The following RBFOX1 variants were observed in gnomAD, a reference collection of about 807,000 sequenced individuals.
RBFOX1 encodes the protein RNA binding protein fox-1 homolog 1.
RBFOX1 carries 8 observed loss-of-function variants against 57.7 expected under a neutral mutation model. That is an observed-to-expected ratio of 0.14 (90% CI 0.08 to 0.25). The LOEUF is 0.25. RBFOX1 is among the 10% of genes least tolerant of loss of function. The probability of loss-of-function intolerance (pLI) is 1.00; values close to 1 mark genes in which losing one functional copy is unlikely to be tolerated. For synonymous variants in RBFOX1, 326 were observed against 222.4 expected (o/e 1.47, Z -4.15); for missense variants, 611 against 548.5 (o/e 1.11, Z -1.14).
chr16:7,707,342 T>A (rs975697107), intron 14 of RBFOX1, among the ~76,000 whole-genome samples: 1 of 152,106 alleles, frequency 6.6e-6, no homozygotes, highest in Non-Finnish European at 1.5e-5. Context: ...AAACATGTAT[T>A]GGATTGGTAT....
chr16:5,560,939 C>T (rs1009515943), intron 2 of RBFOX1, among the ~76,000 whole-genome samples: 10 of 152,286 alleles, frequency 6.6e-5, no homozygotes, highest in South Asian at 4.1e-4. Context: ...TAGCAGGTAA[C>T]AGGAGATTTC....
At chr16:5,620,702 A>G (rs924394788) in intron 3 of RBFOX1, among the ~76,000 whole-genome samples, 2 of 152,110 alleles carry the variant, frequency 1.3e-5, no homozygotes, top group Admixed American at 1.3e-4. Flanking sequence ...TGGTAGAGAT[A>G]GGGTCTCACT....
chr16:6,431,932 TC>T (rs1567258423), intron 2 of RBFOX1, among the ~76,000 whole-genome samples: 2 of 150,580 alleles, frequency 1.3e-5, no homozygotes, highest in Non-Finnish European at 3.0e-5. Flanking sequence ...TTTCTTTCTT[TC>T]TTTCTTTCTT....
Position 7,331,214 on chromosome 16 carries a change from A to C in RBFOX1, c.28-186933A>C, listed in dbSNP as rs1188831250. The stretch of plus-strand genomic sequence containing the variant: ...TGGCTATCTGAAAGTGGAGGAATTG[A>C]CATTTGGATTTAGAAAACGCCAATA... On this transcript the variant is annotated intron_variant, in intron 4 of 15. Transcript: ENST00000550418. Among the ~76,000 whole-genome samples the C allele has an allele frequency of 3.3e-5, 5 of 152,294 alleles. No individual in the cohort carries two copies. In the East Asian group the frequency reaches 9.7e-4, roughly 29 times the overall value.
chr16:5,932,934 C>G (rs980264721), intron 4 of RBFOX1, among the ~76,000 whole-genome samples: 3 of 152,062 alleles, frequency 2.0e-5, no homozygotes, highest in African/African-American at 7.2e-5. Flanking sequence ...AGGTAAAGCT[C>G]TCAAAATTAT....
At chr16:7,318,508 C>T (rs1274163540) in intron 4 of RBFOX1, among the ~76,000 whole-genome samples, 1 of 152,118 alleles carries the variant, frequency 6.6e-6, no homozygotes, top group Non-Finnish European at 1.5e-5. Context: ...ATTATTTAAC[C>T]TTTCTTTGTT....
At chr16:7,209,579 C>T (rs945038566) in intron 4 of RBFOX1, among the ~76,000 whole-genome samples, 7 of 152,190 alleles carry the variant, frequency 4.6e-5, no homozygotes. Flanking sequence ...GGCCAACCCT[C>T]ACCTTCTCAT....
chr16:7,526,476 C>T (rs1054289445), intron 5 of RBFOX1, among the ~76,000 whole-genome samples: 1 of 152,150 alleles, frequency 6.6e-6, no homozygotes, highest in African/African-American at 2.4e-5. Context: ...TCTATAACTC[C>T]CTTCCTCAGC....
intron 1 of RBFOX1, among the ~76,000 whole-genome samples, chr16:5,251,509 T>G (rs975126961): frequency 2.6e-5 from 4 of 152,136 alleles, no homozygotes; most frequent in Admixed American, 2.0e-4. Context: ...TATAGAGTGA[T>G]TGAGTGGCAG....
chr16:6,048,197 C>G (rs958204598), intron 1 of RBFOX1, among the ~76,000 whole-genome samples: 1 of 152,180 alleles, frequency 6.6e-6, no homozygotes, highest in Non-Finnish European at 1.5e-5. Context: ...TTTGTTGAAG[C>G]TGGCTCAGGA....
downstream of RBFOX1, among the ~76,000 whole-genome samples, chr16:5,602,406 A>G (rs1054432953): frequency 1.2e-4 from 19 of 152,216 alleles, no homozygotes; most frequent in Non-Finnish European, 2.5e-4. Context: ...TGTACCCTCA[A>G]TATCCCTCAG....
rs150539570 is a variant in RBFOX1, at chr16:6,878,571, G to C, written c.-15-173486G>C. Among the ~76,000 whole-genome samples, 448 of 152,234 alleles carry C rather than the reference G, an allele frequency of 2.9e-3. 1 individual carries two copies. The highest frequency in any genetic ancestry group is 0.014 in the Middle Eastern group (4 of 294). ...ATTTGTTGCCACAGCATCACATGGC[G>C]CATCCTGACTGACACATGCAGTGTC... On this transcript the variant is annotated intron_variant, in intron 3 of 15. Transcript: ENST00000550418.
intron 14 of RBFOX1, among the ~76,000 whole-genome samples, chr16:7,700,913 G>C (rs758014783): frequency 3.9e-5 from 6 of 152,156 alleles, no homozygotes; most frequent in Non-Finnish European, 8.8e-5. Flanking sequence ...AATGGTCTGA[G>C]TCTTTTAGAT....
At chr16:5,363,833 T>C (rs1359637610) in intron 1 of RBFOX1, among the ~76,000 whole-genome samples, 1 of 152,212 alleles carries the variant, frequency 6.6e-6, no homozygotes, top group Non-Finnish European at 1.5e-5. Context: ...GCATCTTTCA[T>C]TTCTAGAGTG....
intron 5 of RBFOX1, among the ~76,000 whole-genome samples, chr16:7,562,915 C>T (rs557725457): frequency 1.3e-5 from 2 of 152,310 alleles, no homozygotes; most frequent in East Asian, 1.9e-4. Flanking sequence ...TTAAAGTGGA[C>T]TGGCCTGAGT....
At chr16:7,520,934 A>G (rs2077387690) in intron 5 of RBFOX1, among the ~76,000 whole-genome samples, 1 of 152,352 alleles carries the variant, frequency 6.6e-6, no homozygotes, top group African/African-American at 2.4e-5. Context: ...CAGGATTCAT[A>G]CTAGCTGCCA....
chr16:5,918,198 C>T (rs1404354731), intron 4 of RBFOX1, among the ~76,000 whole-genome samples: 1 of 152,192 alleles, frequency 6.6e-6, no homozygotes, highest in African/African-American at 2.4e-5. Flanking sequence ...CAGGTCACTG[C>T]AACCTCTGCC....
In RBFOX1 at chr16:5,876,065, G is replaced by T. The variant is rs939459143; in HGVS notation, c.351+8730G>T. ...TCGCCGTGTTAGCCAGGGTAGTCTTGATCTTATGACCTCGTGATCCACCCG... is the reference window on the plus strand; with the variant it reads ...TCGCCGTGTTAGCCAGGGTAGTCTTTATCTTATGACCTCGTGATCCACCCG... On this transcript the variant is annotated intron_variant, in intron 4 of 19. Transcript: ENST00000641259. 2.0e-5 allele frequency among the ~76,000 whole-genome samples: 3 copies of T among 152,048 alleles called. No individual in the cohort carries two copies. The South Asian group carries it at 6.2e-4, about 32-fold the overall frequency.
At chr16:6,144,939 T>A (rs1240933954) in intron 1 of RBFOX1, among the ~76,000 whole-genome samples, 1 of 152,190 alleles carries the variant, frequency 6.6e-6, no homozygotes, top group Non-Finnish European at 1.5e-5. Flanking sequence ...GGAAAATGAA[T>A]TCCCTCTAGG....
Sources: allele counts gnomAD v4.1 joint callset (sites outside exome capture counted in the v4.1 genomes callset), GRCh38; gene constraint gnomAD v4.1.1; transcripts MANE v1.5; gene names NCBI Gene and HGNC (gene_info 2026-07-23, HGNC 2026-07-21).